Variants in DPP10 observed in about 807,000 individuals in gnomAD.
DPP10 encodes the protein inactive dipeptidyl peptidase 10.
In DPP10, 33 loss-of-function variants were observed where a neutral mutation model predicts 120.9. That is an observed-to-expected ratio of 0.27 (90% CI 0.21 to 0.37). The LOEUF is 0.37. Ranked by LOEUF, DPP10 falls within the 10% of genes least tolerant of loss-of-function variation. DPP10 has a pLI of 1.00. For missense variants in DPP10, 816 were observed against 942.8 expected (o/e 0.87, Z 1.76); for synonymous variants, 337 against 326.1 (o/e 1.03, Z -0.36).
At chr2:115,543,328 A>C (rs1040684181) in intron 5 of DPP10, among the ~76,000 whole-genome samples, 2 of 152,060 alleles carry the variant, frequency 1.3e-5, no homozygotes, top group Non-Finnish European at 2.9e-5. Flanking sequence ...TCATTTTGAC[A>C]GGTCTCAAAA....
chr2:115,235,836 C>G (rs1349863336), intron 1 of DPP10, among the ~76,000 whole-genome samples: 2 of 152,170 alleles, frequency 1.3e-5, no homozygotes, highest in Non-Finnish European at 2.9e-5. Flanking sequence ...GCTGGGAATA[C>G]AGACATGAGC....
intron 19 of DPP10, among the ~76,000 whole-genome samples, chr2:115,805,843 G>T (rs561500855): frequency 6.6e-6 from 1 of 152,162 alleles, no homozygotes; most frequent in South Asian, 2.1e-4. Flanking sequence ...CCAAAGTGCT[G>T]GGATTACAGG....
In DPP10 at chr2:115,343,823, T is replaced by C; in HGVS notation, c.182T>C (p.Leu61Pro). ...AGAATTTCCTTTATTTTAGATGAACTCACAAATTCGTCAGAAACCAGATTG... is the reference window on the plus strand; with the variant it reads ...AGAATTTCCTTTATTTTAGATGAACCCACAAATTCGTCAGAAACCAGATTG... ...MSVILLTPDE[L>P]TNSSETRLSL... Residue 61 changes from leucine (L) to proline (P), a missense_variant, in exon 3 of 26, where the codon CTC (leucine) becomes CCC (proline). Coordinates refer to ENST00000410059, the MANE Select transcript of DPP10 (RefSeq NM_020868.6). The C allele has an allele frequency of 6.2e-7, 1 of 1,610,188 alleles. No individual in the cohort carries two copies.
At chr2:115,304,694 AAAAC>A (rs1219330332) in intron 1 of DPP10, among the ~76,000 whole-genome samples, 3 of 152,112 alleles carry the variant, frequency 2.0e-5, no homozygotes, top group Non-Finnish European at 4.4e-5. Context: ...ATTTCTTAAA[AAAAC>A]AAATTTTGGT....
chr2:115,716,380 G>T (rs1157063603), intron 7 of DPP10, among the ~76,000 whole-genome samples: 1 of 152,186 alleles, frequency 6.6e-6, no homozygotes, highest in Non-Finnish European at 1.5e-5. Flanking sequence ...ATACATCATA[G>T]GTAGTATGTA....
At chr2:115,254,074 A>G (rs879379634) in intron 1 of DPP10, among the ~76,000 whole-genome samples, 6 of 152,216 alleles carry the variant, frequency 3.9e-5, no homozygotes, top group Non-Finnish European at 7.3e-5. Context: ...GCTTAACACC[A>G]GGTGAAGGCC....
At chr2:114,512,394 G>A (rs749147468) in intron 1 of DPP10, among the ~76,000 whole-genome samples, 4 of 152,070 alleles carry the variant, frequency 2.6e-5, no homozygotes, top group South Asian at 2.1e-4. Context: ...TTTCATGGAC[G>A]TTCATTTGTC....
intron 1 of DPP10, among the ~76,000 whole-genome samples, chr2:115,052,951 C>CAA (rs70941023): frequency 1.4e-3 from 173 of 121,758 alleles, no homozygotes; most frequent in East Asian, 3.3e-3. Flanking sequence ...GACTCCATCT[C>CAA]AAAAAAAAAA....
chr2:114,561,957 C>A (rs959892002), intron 1 of DPP10, among the ~76,000 whole-genome samples: 1 of 152,184 alleles, frequency 6.6e-6, no homozygotes, highest in Admixed American at 6.5e-5. Context: ...GCACAGCAGT[C>A]ATTTAATTTA....
At chr2:115,827,451 C>T (rs1422287011) in intron 21 of DPP10, among the ~76,000 whole-genome samples, 1 of 106,410 alleles carries the variant, frequency 9.4e-6, no homozygotes, top group African/African-American at 3.4e-5. Flanking sequence ...TATATATGCT[C>T]TACAGTGGTA....
chr2:114,961,909 A>G (rs1027979127), intron 1 of DPP10, among the ~76,000 whole-genome samples: 1 of 152,120 alleles, frequency 6.6e-6, no homozygotes. Context: ...AGCTGAGAGC[A>G]CGCCACTGAA....
At chr2:114,743,164 G>C (rs1678234465) in intron 1 of DPP10, among the ~76,000 whole-genome samples, 1 of 152,144 alleles carries the variant, frequency 6.6e-6, no homozygotes, top group Non-Finnish European at 1.5e-5. Flanking sequence ...TTGGAATTCA[G>C]ATGTTAGAGA....
At chr2:115,479,507 T>G (rs2075298168) in intron 3 of DPP10, among the ~76,000 whole-genome samples, 2 of 152,110 alleles carry the variant, frequency 1.3e-5, no homozygotes, top group Non-Finnish European at 2.9e-5. Context: ...TCCAACAATA[T>G]GAATGTACTT....
chr2:114,513,644 AAAG>A (rs1477720937), intron 1 of DPP10, among the ~76,000 whole-genome samples: 2 of 151,814 alleles, frequency 1.3e-5, no homozygotes, highest in Non-Finnish European at 2.9e-5. Context: ...AGAAAGAAAG[AAAG>A]AAGAAACAGA....
At chr2:114,537,372 T>G (rs1686590834) in intron 1 of DPP10, among the ~76,000 whole-genome samples, 1 of 151,858 alleles carries the variant, frequency 6.6e-6, no homozygotes, top group Admixed American at 6.6e-5. Flanking sequence ...TCATGTGCAT[T>G]CAGAAAGAAA....
chr2:115,510,911 T>C (rs1161103425), intron 4 of DPP10, among the ~76,000 whole-genome samples: 1 of 152,154 alleles, frequency 6.6e-6, no homozygotes, highest in East Asian at 1.9e-4. Flanking sequence ...ATAAATAGAA[T>C]TGTTTACTCC....
chr2:114,981,604 C>A (rs1406775804), intron 1 of DPP10, among the ~76,000 whole-genome samples: 1 of 151,836 alleles, frequency 6.6e-6, no homozygotes, highest in African/African-American at 2.4e-5. Context: ...CCTTCGAAAC[C>A]GGGTCTCTCT....
chr2:115,094,645 C>T (rs971370863), intron 1 of DPP10, among the ~76,000 whole-genome samples: 3 of 152,000 alleles, frequency 2.0e-5, no homozygotes, highest in Non-Finnish European at 4.4e-5. Flanking sequence ...GAGTATTTAC[C>T]GAGGTCAGCA....
At chr2:115,216,805 G>T (rs1233003712) in intron 1 of DPP10, among the ~76,000 whole-genome samples, 1 of 151,462 alleles carries the variant, frequency 6.6e-6, no homozygotes, top group Non-Finnish European at 1.5e-5. Context: ...AAGGTCAAAA[G>T]CTAAGCTATA....
Sources: gnomAD v4.1 joint callset for allele counts (sites outside exome capture counted in the v4.1 genomes callset) on GRCh38, gnomAD v4.1.1 for gene constraint, MANE v1.5 for transcripts, NCBI Gene and HGNC (gene_info 2026-07-23, HGNC 2026-07-21) for gene names.